CELSR1: variants seen among roughly 807,000 people sequenced by gnomAD.
CELSR1 encodes adhesion G protein-coupled receptor C1.
In CELSR1, 110 loss-of-function variants were observed where a neutral mutation model predicts 249.1. The ratio of observed to expected loss-of-function variants is 0.44; its 90% confidence interval spans 0.38 to 0.52. CELSR1 has a LOEUF of 0.52. Ranked by LOEUF, CELSR1 falls within the 20% of genes least tolerant of loss-of-function variation. CELSR1 has a pLI of 0.00. For missense variants in CELSR1, 4,109 were observed against 4,296.4 expected (o/e 0.96, Z 1.22); for synonymous variants, 2,113 against 1,900.0 (o/e 1.11, Z -2.92).
At chr22:46,493,676 A>G (rs2080388811) in intron 1 of CELSR1, among the ~76,000 whole-genome samples, 1 of 152,140 alleles carries the variant, frequency 6.6e-6, no homozygotes, top group Non-Finnish European at 1.5e-5. Flanking sequence ...GGAGGTAACT[A>G]AATTATGGGG....
rs1240506658 is a variant in CELSR1 at position 46,410,374 on chromosome 22, C to T, written c.4933+24G>A. On this transcript the variant is annotated intron_variant, in intron 7 of 34. Coordinates refer to ENST00000674500, the MANE Select transcript of CELSR1 (RefSeq NM_001378328.1). The surrounding 1 kb of genome is among the most constrained non-coding windows in gnomAD (Gnocchi z 6.8). ...CAGCCAGATGCCACTGCGGCAGCTC[C>T]GACGCCCTGACGGCCACCCGTACCT... The T allele has an allele frequency of 6.2e-6, 10 of 1,602,416 alleles. 1 individual carries two copies. Among genetic ancestry groups the T allele is most frequent in the South Asian group, 2.2e-5 (2 of 90,700 alleles).
chr22:46,455,686 G>A (rs1443084159), intron 2 of CELSR1, among the ~76,000 whole-genome samples: 1 of 152,198 alleles, frequency 6.6e-6, no homozygotes, highest in Non-Finnish European at 1.5e-5. Context: ...GAAGCCGGAG[G>A]AGGACTGCAG....
At chr22:46,383,325 T>G (rs890453939) in intron 20 of CELSR1, among the ~76,000 whole-genome samples, 2 of 152,222 alleles carry the variant, frequency 1.3e-5, no homozygotes, top group Non-Finnish European at 2.9e-5. Context: ...TCACGTCCTT[T>G]TTATTTGGGG....
chr22:46,426,692 G>T (rs1164231768), intron 5 of CELSR1, among the ~76,000 whole-genome samples: 1 of 152,178 alleles, frequency 6.6e-6, no homozygotes, highest in Non-Finnish European at 1.5e-5. Flanking sequence ...GGTTTCAAGA[G>T]ATGGGCCCTT....
intron 2 of CELSR1, among the ~76,000 whole-genome samples, chr22:46,459,185 G>A (rs963325414): frequency 6.6e-6 from 1 of 152,178 alleles, no homozygotes. Flanking sequence ...ACCGTGCCCA[G>A]CCGGTTCCCA....
rs997871998 is a variant in CELSR1 at position 46,398,895 on chromosome 22, T to C, written c.5413-258A>G. ...GCTGAGGCGGCCAGTGGGGTCAACG[T>C]GGGCAACTGTCCCGCCTCCGTCAAG... On this transcript the variant is annotated intron_variant, in intron 10 of 34. Coordinates refer to ENST00000674500, the MANE Select transcript of CELSR1 (RefSeq NM_001378328.1). The surrounding 1 kb of genome is among the most constrained non-coding windows in gnomAD (Gnocchi z 7.2). Among the ~76,000 whole-genome samples the C allele has an allele frequency of 1.6e-4, 25 of 152,196 alleles. No individual in the cohort carries two copies. Among genetic ancestry groups the C allele is most frequent in the African/African-American group, 6.0e-4 (25 of 41,460 alleles).
At position 46,373,171 on chromosome 22, in the gene CELSR1, C is replaced by G. The variant is rs925756897; in HGVS notation, c.7585-114G>C. Reference sequence around the variant, plus strand: ...TCACAATTCGGACCACCCTATGTGTCTGTCCTCAGCTGAGCAGGGCTACAT... The same window carrying G: ...TCACAATTCGGACCACCCTATGTGTGTGTCCTCAGCTGAGCAGGGCTACAT... On this transcript the variant is annotated intron_variant, in intron 24 of 34. Transcript: ENST00000674500. The G allele has an allele frequency of 4.6e-6, 5 of 1,098,820 alleles. No individual in the cohort carries two copies. The African/African-American group carries it at 7.9e-5, about 17-fold the overall frequency. The allele number at this position is 1,098,820 out of a possible 1,614,324, so 68.1% of individuals were successfully genotyped here.
At position 46,366,465 on chromosome 22, in the gene CELSR1, T is replaced by C. The variant is rs1271799711; in HGVS notation, c.8221A>G (p.Asn2741Asp). 26 of 1,550,406 alleles carry C rather than the reference T, an allele frequency of 1.7e-5. No homozygotes were observed. Among genetic ancestry groups the C allele is most frequent in the Non-Finnish European group, 2.3e-5 (26 of 1,146,734 alleles). ...ATLLTRSLNCNTTFGDGPDML... is the reference protein window; with the variant it reads ...ATLLTRSLNCDTTFGDGPDML... ...TCAGGCCCGTCACCGAAGGTGGTGTTGCAGTTGAGGGAGCGCTGAAGGGAG... is the reference window on the plus strand; with the variant it reads ...TCAGGCCCGTCACCGAAGGTGGTGTCGCAGTTGAGGGAGCGCTGAAGGGAG... Residue 2741 changes from asparagine (N) to aspartate (D), a missense_variant, in exon 30 of 35, where the codon AAC (asparagine) becomes GAC (aspartate). By Grantham distance (23) the Asn-to-Asp change is conservative. Transcript: ENST00000674500.
chr22:46,519,226 A>G (rs1166672350), intron 1 of CELSR1, among the ~76,000 whole-genome samples: 1 of 152,206 alleles, frequency 6.6e-6, no homozygotes, highest in African/African-American at 2.4e-5. Context: ...GGTGTTGCAC[A>G]CCACTGTGAT....
rs893265851 is a variant in CELSR1, at chr22:46,490,998, C to T, written c.3545-26653G>A. Among the ~76,000 whole-genome samples the T allele has an allele frequency of 6.6e-6, 1 of 152,100 alleles. No individual in the cohort carries two copies. Among genetic ancestry groups the T allele is most frequent in the African/African-American group, 2.4e-5 (1 of 41,404 alleles). On this transcript the variant is annotated intron_variant, in intron 1 of 34. Transcript: ENST00000674500. This position sits in a 1 kb window ranked among gnomAD's most constrained non-coding sequence, Gnocchi z 5.2. ...ATTTTGTTCCCCTACAAGTTCAGGA[C>T]CTCGGAAGTCAGGAGACGCCTGCAA...
At chr22:46,415,078 A>G (rs375271208) in intron 5 of CELSR1, among the ~76,000 whole-genome samples, 1 of 152,230 alleles carries the variant, frequency 6.6e-6, no homozygotes, top group South Asian at 2.1e-4. Flanking sequence ...GCACATCCAC[A>G]GACACAGAGC....
At chr22:46,405,158 G>T (rs967744225) in intron 9 of CELSR1, among the ~76,000 whole-genome samples, 1 of 151,248 alleles carries the variant, frequency 6.6e-6, no homozygotes, top group African/African-American at 2.4e-5. Flanking sequence ...ATAGAAGTCA[G>T]CTTATTAATT....
At position 46,410,616 on chromosome 22, in the gene CELSR1, CG is replaced by C; in HGVS notation, c.4770-56del. The C allele has an allele frequency of 6.3e-7, 1 of 1,584,414 alleles. No homozygotes were observed. Among genetic ancestry groups the C allele is most frequent in the Non-Finnish European group, 8.6e-7 (1 of 1,157,394 alleles). On this transcript the variant is annotated intron_variant, in intron 6 of 34. Coordinates refer to ENST00000674500, the MANE Select transcript of CELSR1 (RefSeq NM_001378328.1). This position sits in a 1 kb window ranked among gnomAD's most constrained non-coding sequence, Gnocchi z 6.8. ...TCAGGGCGGGGAGAGGCGGCCACGG[CG>C]GGCTGGGCTCCGCAGTTGCCTCTGT...
rs974570781 is a variant in CELSR1 at position 46,406,089 on chromosome 22, C to T, written c.5226+2907G>A. 6.6e-6 allele frequency among the ~76,000 whole-genome samples: 1 copy of T among 152,310 alleles called. No individual in the cohort carries two copies. The highest frequency in any genetic ancestry group is 3.4e-3 in the Middle Eastern group (1 of 294). On this transcript the variant is annotated intron_variant, in intron 9 of 34. Transcript: ENST00000674500. The surrounding 1 kb of genome is among the most constrained non-coding windows in gnomAD (Gnocchi z 5.4). ...AAACAGCACCGGAGTCTGTGGCTTC[C>T]AGCACCATTCCTACTGAAAGCGCAC... is the stretch of plus-strand genomic sequence containing the variant.
chr22:46,437,512 T>A lies in CELSR1; in HGVS notation c.4407-1223A>T, dbSNP rs370094053. 3.3e-5 allele frequency among the ~76,000 whole-genome samples: 5 copies of A among 152,278 alleles called. No homozygotes were observed. Among genetic ancestry groups the A allele is most frequent in the East Asian group, 1.9e-4 (1 of 5,184 alleles). Reference sequence around the variant, plus strand: ...GGCTCACGCCTGTAATCCCAGCACTTTGGGAGGCCGAGGTGGGTGGATCAC... The same window carrying A: ...GGCTCACGCCTGTAATCCCAGCACTATGGGAGGCCGAGGTGGGTGGATCAC... On this transcript the variant is annotated intron_variant, in intron 3 of 34. Transcript: ENST00000674500. This position sits in a 1 kb window ranked among gnomAD's most constrained non-coding sequence, Gnocchi z 4.9.
chr22:46,514,224 G>T (rs2080603550), intron 1 of CELSR1, among the ~76,000 whole-genome samples: 1 of 152,140 alleles, frequency 6.6e-6, no homozygotes, highest in African/African-American at 2.4e-5. Context: ...ACCCAGGTAG[G>T]CTCCAACACC....
Position 46,506,922 on chromosome 22 carries a change from C to T in CELSR1, c.3544+26705G>A, listed in dbSNP as rs1043694534. Among the ~76,000 whole-genome samples the T allele has an allele frequency of 5.3e-5, 8 of 152,144 alleles. No individual in the cohort carries two copies. Among genetic ancestry groups the T allele is most frequent in the African/African-American group, 1.2e-4 (5 of 41,454 alleles). On this transcript the variant is annotated intron_variant, in intron 1 of 34. Transcript: ENST00000674500. This position sits in a 1 kb window ranked among gnomAD's most constrained non-coding sequence, Gnocchi z 4.1. Reference sequence around the variant, plus strand: ...ACATAAAAACCGATTCCAGGCGGGGCGTGGTGGCTCACGTTTGTAATCCCA... The same window carrying T: ...ACATAAAAACCGATTCCAGGCGGGGTGTGGTGGCTCACGTTTGTAATCCCA...
Position 46,390,397 on chromosome 22 carries a change from C to T in CELSR1, c.6340G>A (p.Ala2114Thr). ...CATCCCCGAGGCGCCCCTACCATGGCCCTGAGGTCCACGAAGGAGATGGTG... is the reference window on the plus strand; with the variant it reads ...CATCCCCGAGGCGCCCCTACCATGGTCCTGAGGTCCACGAAGGAGATGGTG... The part of the protein sequence containing the change: ...CTTISFVDLR[A>T]MNEKLSRNET... The change falls in exon 17 of 35, where the codon GCC becomes ACC. Residue 2114 changes from alanine to threonine, a missense_variant. Physicochemically the swap from Ala to Thr is moderately conservative, Grantham distance 58. Around this residue, in one of 7 missense-constraint regions of CELSR1, gnomAD observed 1,805 missense variants for 1,831.6 expected, o/e 0.99. Coordinates refer to ENST00000674500, the MANE Select transcript of CELSR1 (RefSeq NM_001378328.1). The surrounding 1 kb of genome is among the most constrained non-coding windows in gnomAD (Gnocchi z 6.3). The T allele has an allele frequency of 6.2e-7, 1 of 1,612,632 alleles. No homozygotes were observed. Among genetic ancestry groups the T allele is most frequent in the East Asian group, 2.2e-5 (1 of 44,876 alleles).
At chr22:46,450,592 G>A (rs550937878) in intron 2 of CELSR1, among the ~76,000 whole-genome samples, 72 of 152,364 alleles carry the variant, frequency 4.7e-4, no homozygotes, top group African/African-American at 1.6e-3. Flanking sequence ...GGGAGCGGGA[G>A]TTAAGCCTGC....
Sources: allele counts gnomAD v4.1 joint callset (sites outside exome capture counted in the v4.1 genomes callset), GRCh38; gene constraint gnomAD v4.1.1; regional missense constraint gnomAD v4.1.1; non-coding constraint Gnocchi (gnomAD v3.1); transcripts MANE v1.5; gene names NCBI Gene and HGNC (gene_info 2026-07-23, HGNC 2026-07-21).